Variants in RYR2 observed in about 807,000 individuals in gnomAD.
RYR2 encodes the protein cardiac muscle ryanodine receptor-calcium release channel.
In RYR2, 227 loss-of-function variants were observed where a neutral mutation model predicts 601.1. The observed-to-expected ratio is 0.38, with a 90% CI of 0.34 to 0.42. The LOEUF (loss-of-function observed/expected upper bound fraction) is 0.42, where lower values mean the gene tolerates loss of function less well. Ranked by LOEUF, RYR2 falls within the 10% of genes least tolerant of loss-of-function variation. The pLI is 1.00. For missense variants in RYR2, 4,646 were observed against 6,156.5 expected, an observed-to-expected ratio of 0.75 and a Z score of 8.21; for synonymous variants, 2,223 against 2,175.1, an observed-to-expected ratio of 1.02 and a Z score of -0.61.
At chr1:237,169,292 T>A (rs1314081039) in intron 1 of RYR2, among the ~76,000 whole-genome samples, 1 of 53,466 alleles carries the variant, frequency 1.9e-5, no homozygotes, top group Non-Finnish European at 6.9e-5. Flanking sequence ...GATTGCCTTT[T>A]TTTTTTCTTC....
intron 1 of RYR2, among the ~76,000 whole-genome samples, chr1:237,135,432 C>T (rs986824278): frequency 2.0e-5 from 3 of 151,222 alleles, no homozygotes; most frequent in African/African-American, 4.9e-5. Flanking sequence ...TGCAGTGGCA[C>T]GATCTCGGCT....
At chr1:237,655,319 G>A (rs1047716318) in intron 52 of RYR2, among the ~76,000 whole-genome samples, 1 of 151,890 alleles carries the variant, frequency 6.6e-6, no homozygotes, top group African/African-American at 2.4e-5. Context: ...TAAATTTTTA[G>A]CATGCATACT....
chr1:237,728,827 A>G (rs1051731685), intron 76 of RYR2, among the ~76,000 whole-genome samples: 1 of 152,016 alleles, frequency 6.6e-6, no homozygotes, highest in Non-Finnish European at 1.5e-5. Context: ...ACAAATACCT[A>G]ATGCATATGG....
intron 4 of RYR2, among the ~76,000 whole-genome samples, chr1:237,358,224 C>T (rs953014264): frequency 6.6e-6 from 1 of 152,142 alleles, no homozygotes; most frequent in African/African-American, 2.4e-5. Flanking sequence ...TCATACAGAT[C>T]TCATTTCAGT....
In RYR2 at chr1:237,669,399, C is replaced by A. The variant is rs542368102; in HGVS notation, c.8590+1441C>A. ...TCTCAATGAGCTGTTGGGTACACCT[C>A]CCAGACGGGGTGGTGGCCTGGCAGA... On this transcript the variant is annotated intron_variant, in intron 58 of 104. Coordinates refer to ENST00000366574, the MANE Select transcript of RYR2 (RefSeq NM_001035.3). Among the ~76,000 whole-genome samples the A allele has an allele frequency of 7.9e-5, 12 of 152,242 alleles. No individual in the cohort carries two copies. In the South Asian group the frequency reaches 2.5e-3, roughly 32 times the overall value.
intron 39 of RYR2, among the ~76,000 whole-genome samples, chr1:237,624,762 T>G (rs1573185624): frequency 6.6e-6 from 1 of 152,318 alleles, no homozygotes; most frequent in East Asian, 1.9e-4. Context: ...TTTTTATTCC[T>G]TTATGCAGTG....
chr1:237,359,542 A>G (rs182741226), intron 4 of RYR2, among the ~76,000 whole-genome samples: 159 of 152,306 alleles, frequency 1.0e-3, no homozygotes, highest in Non-Finnish European at 1.8e-3. Context: ...TTAAATATAT[A>G]TGAAAATTAA....
chr1:237,566,849 G>A, intron 28 of RYR2, 74 bp downstream of exon 28: 1 of 1,454,608 alleles, frequency 6.9e-7, no homozygotes, highest in Non-Finnish European at 9.6e-7. Flanking sequence ...CCTCTTGGTA[G>A]CTTCACAGTA....
chr1:237,661,289 T>C (rs2148848319), intron 56 of RYR2, among the ~76,000 whole-genome samples: 1 of 151,910 alleles, frequency 6.6e-6, no homozygotes, highest in South Asian at 2.1e-4. Flanking sequence ...AAGTGGAAGC[T>C]GAACAATGAA....
At chr1:237,184,420 T>C (rs553330877) in intron 1 of RYR2, among the ~76,000 whole-genome samples, 3 of 152,234 alleles carry the variant, frequency 2.0e-5, no homozygotes, top group South Asian at 2.1e-4. Context: ...CGGAATACAA[T>C]TGACAAGAGA....
chr1:237,428,596 G>T (rs536900284), intron 12 of RYR2, among the ~76,000 whole-genome samples: 1 of 151,630 alleles, frequency 6.6e-6, no homozygotes, highest in Non-Finnish European at 1.5e-5. Flanking sequence ...AGGGCCTCTC[G>T]GTGGGGCGGG....
At chr1:237,253,042 G>A (rs1221857631) in intron 1 of RYR2, among the ~76,000 whole-genome samples, 1 of 151,762 alleles carries the variant, frequency 6.6e-6, no homozygotes, top group African/African-American at 2.4e-5. Flanking sequence ...GTACACGCCT[G>A]TAATCCCAGA....
chr1:237,680,617 G>A (rs759528838), intron 62 of RYR2, 40 bp downstream of exon 62: 1 of 1,526,028 alleles, frequency 6.6e-7, no homozygotes, highest in South Asian at 1.2e-5. Flanking sequence ...TATGACTTAG[G>A]TGTATATGCA....
intron 101 of RYR2, among the ~76,000 whole-genome samples, chr1:237,824,743 G>C (rs1349030541): frequency 6.6e-6 from 1 of 151,384 alleles, no homozygotes; most frequent in Non-Finnish European, 1.5e-5. Flanking sequence ...CGAATTGTCT[G>C]CAGATGACAT....
At position 237,624,274 on chromosome 1, in the gene RYR2, A is replaced by G. The variant is rs573567066; in HGVS notation, c.6022+404A>G. Among the ~76,000 whole-genome samples the G allele has an allele frequency of 3.3e-5, 5 of 152,330 alleles. No homozygotes were observed. In the South Asian group the frequency reaches 6.2e-4, roughly 19 times the overall value. ...ATCCATGGCACAACAGGGTGCTTCT[A>G]GTTCACAATACTGTATTGTGCACTT... On this transcript the variant is annotated intron_variant, in intron 39 of 104. Transcript: ENST00000366574.
At position 237,631,531 on chromosome 1, in the gene RYR2, G is replaced by A; in HGVS notation, c.6545G>A (p.Gly2182Glu). 4 of 1,605,186 alleles carry A rather than the reference G, an allele frequency of 2.5e-6. No individual in the cohort carries two copies. Among genetic ancestry groups the A allele is most frequent in the Non-Finnish European group, 3.4e-6 (4 of 1,173,976 alleles). The change falls in exon 42 of 105, where the codon GGA becomes GAA. Residue 2182 changes from glycine (G) to glutamate (E), a missense_variant. Coordinates refer to ENST00000366574, the MANE Select transcript of RYR2 (RefSeq NM_001035.3). ...MEVMVNVLGG[G>E]ESKEITFPKM... ...GTCATGGTGAACGTCCTTGGAGGTG[G>A]AGAGTCCAAGGTAACGTCTTTGATT...
At chr1:237,822,224 C>T (rs1662590705) in intron 101 of RYR2, among the ~76,000 whole-genome samples, 1 of 152,080 alleles carries the variant, frequency 6.6e-6, no homozygotes, top group African/African-American at 2.4e-5. Context: ...ACATAATCGT[C>T]AGATTCACCA....
At chr1:237,305,506 A>G (rs1337984899) in intron 2 of RYR2, among the ~76,000 whole-genome samples, 1 of 152,210 alleles carries the variant, frequency 6.6e-6, no homozygotes, top group Non-Finnish European at 1.5e-5. Context: ...ATCACTGCTT[A>G]CTGCAGCCTG....
At chr1:237,295,383 A>G (rs1465574758) in intron 2 of RYR2, among the ~76,000 whole-genome samples, 1 of 151,556 alleles carries the variant, frequency 6.6e-6, no homozygotes, top group Non-Finnish European at 1.5e-5. Context: ...ACAAAAGGGA[A>G]GGGGCCCAGA....
Sources: gnomAD v4.1 joint callset for allele counts (sites outside exome capture counted in the v4.1 genomes callset) on GRCh38, gnomAD v4.1.1 for gene constraint, MANE v1.5 for transcripts, NCBI Gene and HGNC (gene_info 2026-07-23, HGNC 2026-07-21) for gene names.